POM121: variants seen among roughly 807,000 people sequenced by gnomAD.
POM121 encodes the protein nuclear envelope pore membrane protein POM 121.
In POM121, 32 loss-of-function variants were observed where a neutral mutation model predicts 81.3. The ratio of observed to expected loss-of-function variants is 0.39; its 90% CI spans 0.30 to 0.53. POM121 has a LOEUF of 0.53. Among genes scored for constraint, POM121 ranks in the 20% least tolerant of loss-of-function variants. The pLI is 0.66. For synonymous variants in POM121, 514 were observed against 694.2 expected (o/e 0.74, Z 4.08); for missense variants, 1,138 against 1,614.6 (o/e 0.70, Z 5.06).
chr7:72,949,759 A>G (rs1244528100), downstream of POM121: 2 of 867,228 alleles, frequency 2.3e-6, no homozygotes, highest in African/African-American at 1.7e-5. Context: ...GAAAGAGTTA[A>G]GCGAAAGTCA....
Position 72,926,622 on chromosome 7 carries a change from T to C in POM121, c.860+145T>C, listed in dbSNP as rs1399419303. On this transcript the variant is annotated intron_variant, in intron 2 of 12. Transcript: ENST00000434423. The stretch of plus-strand genomic sequence containing the variant: ...AAATACCAAATTCTAGTAAACCCTT[T>C]TGTTTTTCACTTTTTGCTCTTAACG... 118 of 1,488,528 alleles carry C rather than the reference T, an allele frequency of 7.9e-5. 2 individuals are homozygous for C. In the East Asian group the frequency reaches 2.8e-3, roughly 36 times the overall value. The allele number at this position is 1,488,528 out of a possible 1,614,324, so 92.2% of individuals were successfully genotyped here. A position where few individuals can be genotyped will look rare whatever the true frequency, so the allele number is the denominator to read the frequency against.
At chr7:72,917,981 G>A (rs1794449548) in intron 4 of POM121, among the ~76,000 whole-genome samples, 1 of 152,214 alleles carries the variant, frequency 6.6e-6, no homozygotes, top group South Asian at 2.1e-4. Flanking sequence ...CAGAGAGAGA[G>A]AGAGAGGAGA....
At chr7:72,896,032 A>G (rs1479926631) in intron 3 of POM121, among the ~76,000 whole-genome samples, 1 of 152,036 alleles carries the variant, frequency 6.6e-6, no homozygotes, top group Non-Finnish European at 1.5e-5. Context: ...GTGGCTTTCA[A>G]GCTGGGCTTT....
At chr7:72,915,008 G>A (rs1794163852) in intron 4 of POM121, among the ~76,000 whole-genome samples, 1 of 152,128 alleles carries the variant, frequency 6.6e-6, no homozygotes. Context: ...CTCCACCTCT[G>A]CAGGGAAGAG....
rs137923425 is a variant in POM121 at position 72,930,023 on chromosome 7, C to G, written c.1187C>G (p.Ser396Cys). The G allele has an allele frequency of 5.6e-6, 9 of 1,614,008 alleles. No homozygotes were observed. The highest frequency in any genetic ancestry group is 1.1e-5 in the South Asian group (1 of 91,080). Residue 396 changes from serine to cysteine, a missense_variant, in exon 5 of 13, where the codon TCC (serine) becomes TGC (cysteine). This residue lies in a region of POM121 where 646 missense variants were observed against 633.5 expected (regional missense o/e 1.02). Coordinates refer to ENST00000434423, the MANE Select transcript of POM121 (RefSeq NM_001387691.1). Reference sequence around the variant, plus strand: ...AGATCCCGAAGCTCTTCCATGAGCTCCTTGACAGGCGCTTACGCAAGTGGC... The same window carrying G: ...AGATCCCGAAGCTCTTCCATGAGCTGCTTGACAGGCGCTTACGCAAGTGGC... ...NKRSRSSSMSSLTGAYASGIP... is the reference protein window; with the variant it reads ...NKRSRSSSMSCLTGAYASGIP...
chr7:72,923,271 C>A (rs1554496344), upstream of POM121, among the ~76,000 whole-genome samples: 4 of 152,110 alleles, frequency 2.6e-5, no homozygotes, highest in Admixed American at 1.3e-4. Context: ...CTATACCTTT[C>A]CAACTTTTCT....
chr7:72,889,679 A>T (rs1339047787), intron 1 of POM121, among the ~76,000 whole-genome samples: 16 of 152,274 alleles, frequency 1.1e-4, no homozygotes, highest in Middle Eastern at 3.4e-3. Context: ...GCCAATTTTT[A>T]AAAAAATTTT....
Position 72,938,739 on chromosome 7 carries a change from A to G in POM121, c.1367+58A>G, listed in dbSNP as rs1796768945. 9 of 1,580,470 alleles carry G rather than the reference A, an allele frequency of 5.7e-6. No homozygotes were observed. In the Admixed American group the frequency reaches 1.5e-4, roughly 26 times the overall value. ...TGCGTGGACAGGCGGGGGTGAGGAAAGGTGGGAAACGAACCTGGCTCTTAG... is the reference window on the plus strand; with the variant it reads ...TGCGTGGACAGGCGGGGGTGAGGAAGGGTGGGAAACGAACCTGGCTCTTAG... On this transcript the variant is annotated intron_variant, in intron 6 of 12. Coordinates refer to ENST00000434423, the MANE Select transcript of POM121 (RefSeq NM_001387691.1).
upstream of POM121, among the ~76,000 whole-genome samples, chr7:72,923,864 G>A (rs782136501): frequency 3.9e-5 from 6 of 151,902 alleles, no homozygotes; most frequent in Non-Finnish European, 7.4e-5. Flanking sequence ...GCCTTCCAAA[G>A]TGCTGGAATT....
chr7:72,920,345 C>CTTTTTTT (rs781909518), upstream of POM121, among the ~76,000 whole-genome samples: 6 of 112,548 alleles, frequency 5.3e-5, no homozygotes, highest in African/African-American at 1.0e-4. Context: ...GAGTAATGGT[C>CTTTTTTT]TTTTTTTTTT....
At chr7:72,938,231 C>CT (rs879963343) in intron 5 of POM121, among the ~76,000 whole-genome samples, 223 of 143,530 alleles carry the variant, frequency 1.6e-3, no homozygotes, top group Middle Eastern at 7.1e-3. Flanking sequence ...ATTTTCTTTT[C>CT]TTTTTTTTTT....
intron 5 of POM121, among the ~76,000 whole-genome samples, chr7:72,936,584 G>GT (rs1796535208): frequency 6.6e-6 from 1 of 152,104 alleles, no homozygotes; most frequent in African/African-American, 2.4e-5. Flanking sequence ...GCTTGTTTTT[G>GT]TATTTCTAGA....
chr7:72,894,713 C>T (rs1416652683), intron 3 of POM121, among the ~76,000 whole-genome samples: 16 of 147,662 alleles, frequency 1.1e-4, no homozygotes, highest in African/African-American at 3.9e-4. Flanking sequence ...GCTGGGAGTG[C>T]GGAGGTGCTA....
Position 72,942,834 on chromosome 7 carries a change from G to A in POM121, c.2841G>A (p.Thr947=), listed in dbSNP as rs576069482. ...CGTTCAGTAACACGAGCACCCCCACGTTCAACATTCCCTTTGGCTCAAGCG... is the reference window on the plus strand; with the variant it reads ...CGTTCAGTAACACGAGCACCCCCACATTCAACATTCCCTTTGGCTCAAGCG... ...TLTFSNTSTP[T]FNIPFGSSAK... The change falls in exon 11 of 13, where the codon ACG becomes ACA. Residue 947 remains threonine, a synonymous_variant. Transcript: ENST00000434423. 137 of 1,565,344 alleles carry A rather than the reference G, an allele frequency of 8.8e-5. No homozygotes were observed. Among genetic ancestry groups the A allele is most frequent in the South Asian group, 3.6e-4 (30 of 84,480 alleles).
chr7:72,890,860 A>G, intron 2 of POM121: 6 of 1,309,500 alleles, frequency 4.6e-6, no homozygotes, highest in Non-Finnish European at 6.6e-6. Flanking sequence ...CACTAGCTGC[A>G]GTGTTTATAT....
intron 3 of POM121, among the ~76,000 whole-genome samples, chr7:72,902,493 T>G (rs1554492821): frequency 6.6e-6 from 1 of 151,928 alleles, no homozygotes; most frequent in Non-Finnish European, 1.5e-5. Context: ...TTTTCCTTTT[T>G]TATTTTTTTC....
chr7:72,898,987 T>C (rs1451935873), intron 3 of POM121, among the ~76,000 whole-genome samples: 1 of 128,222 alleles, frequency 7.8e-6, no homozygotes, highest in African/African-American at 3.0e-5. Context: ...TTCTTTTTTT[T>C]TTTTTTTTTT....
chr7:72,925,081 A>C (rs1179305263), upstream of POM121: 1 of 1,379,228 alleles, frequency 7.3e-7, no homozygotes, highest in Non-Finnish European at 9.3e-7. Flanking sequence ...GGCGCGGTGC[A>C]CGCTGGGATA....
intron 3 of POM121, among the ~76,000 whole-genome samples, chr7:72,906,826 C>T (rs1161859825): frequency 6.6e-6 from 1 of 151,398 alleles, no homozygotes; most frequent in Non-Finnish European, 1.5e-5. Context: ...TGGGGTCTCA[C>T]TATCATGCCC....
Sources: allele counts gnomAD v4.1 joint callset (sites outside exome capture counted in the v4.1 genomes callset), GRCh38; gene constraint gnomAD v4.1.1; regional missense constraint gnomAD v4.1.1; transcripts MANE v1.5; gene names NCBI Gene and HGNC (gene_info 2026-07-23, HGNC 2026-07-21).